SNTB1: variants seen among roughly 807,000 people sequenced by gnomAD.
The protein encoded by SNTB1 is syntrophin beta 1, also known as beta-1-syntrophin.
SNTB1 carries 36 observed loss-of-function variants against 48.9 expected under a neutral mutation model. The observed-to-expected ratio is 0.74, with a 90% confidence interval of 0.56 to 0.97. The LOEUF (loss-of-function observed/expected upper bound fraction) is 0.97. SNTB1 is among the 50% of genes least tolerant of loss of function. SNTB1 has a pLI of 0.00. For synonymous variants in SNTB1, 299 were observed against 294.6 expected (o/e 1.01, Z -0.15); for missense variants, 786 against 703.4 (o/e 1.12, Z -1.33).
At chr8:120,801,858 A>T (rs1019052789) in intron 1 of SNTB1, among the ~76,000 whole-genome samples, 1 of 152,090 alleles carries the variant, frequency 6.6e-6, no homozygotes, top group African/African-American at 2.4e-5. Context: ...GACATTGTAA[A>T]ATCAAAATCT....
intron 1 of SNTB1, among the ~76,000 whole-genome samples, chr8:120,716,054 C>G (rs1362289907): frequency 3.3e-5 from 5 of 152,172 alleles, no homozygotes; most frequent in Non-Finnish European, 7.3e-5. Flanking sequence ...TTTACATCAT[C>G]ATCTTTCCCA....
At chr8:120,626,403 A>G (rs1238885587) in intron 3 of SNTB1, among the ~76,000 whole-genome samples, 1 of 152,192 alleles carries the variant, frequency 6.6e-6, no homozygotes, top group Non-Finnish European at 1.5e-5. Context: ...ATCAGTTGGA[A>G]AAATTAGGAT....
Position 120,548,772 on chromosome 8 carries a change from T to C in SNTB1, c.1323A>G (p.Glu441=). ...GCHNSAELIA[E]ISTACTYKNQ... ...CACTGCAGTACTCACCAGTGCTGAT[T>C]TCAGCAATGAGTTCAGCAGAATTGT... The change falls in exon 5 of 7, where the codon GAA becomes GAG. Residue 441 remains glutamate (E), a synonymous_variant. Coordinates refer to ENST00000517992, the MANE Select transcript of SNTB1 (RefSeq NM_021021.4). The C allele has an allele frequency of 6.2e-7, 1 of 1,613,642 alleles. No individual in the cohort carries two copies. The highest frequency in any genetic ancestry group is 1.7e-4 in the Middle Eastern group (1 of 6,054).
At chr8:120,768,661 G>C (rs1291330644) in intron 1 of SNTB1, 1 of 152,166 alleles carries the variant, frequency 6.6e-6, no homozygotes, top group Admixed American at 6.5e-5. Flanking sequence ...TTTTTGAGAT[G>C]TTGAAAGAGA....
At chr8:120,640,575 G>A (rs534812480) in intron 2 of SNTB1, among the ~76,000 whole-genome samples, 137 of 152,272 alleles carry the variant, frequency 9.0e-4, no homozygotes, top group Non-Finnish European at 1.6e-3. Flanking sequence ...TTTATTGAGA[G>A]TTTTTAGCAT....
intron 1 of SNTB1, among the ~76,000 whole-genome samples, chr8:120,772,514 T>TCCAAA (rs1819655202): frequency 6.6e-6 from 1 of 152,188 alleles, no homozygotes. Flanking sequence ...CCAAAAGTGC[T>TCCAAA]AGGATTACAG....
intron 2 of SNTB1, among the ~76,000 whole-genome samples, chr8:120,681,961 A>G (rs568585085): frequency 6.6e-6 from 1 of 152,224 alleles, no homozygotes; most frequent in Non-Finnish European, 1.5e-5. Flanking sequence ...AAAAAGAGAG[A>G]ATATTCTCCA....
rs747242658 is a variant in SNTB1, at chr8:120,754,719, C to T, written c.571+56554G>A. Among the ~76,000 whole-genome samples, 32 of 152,118 alleles carry T rather than the reference C, an allele frequency of 2.1e-4. 1 individual carries two copies. The highest frequency in any genetic ancestry group is 4.7e-4 in the Non-Finnish European group (32 of 68,008). ...ATCATGAGAAAAGCAATGGGAGAAG[C>T]TGGTTTGAAGGCCAGTCCTTCAGTG... On this transcript the variant is annotated intron_variant, in intron 1 of 6. Coordinates refer to ENST00000517992, the MANE Select transcript of SNTB1 (RefSeq NM_021021.4).
chr8:120,762,638 T>C (rs1231368045), intron 1 of SNTB1, among the ~76,000 whole-genome samples: 1 of 152,208 alleles, frequency 6.6e-6, no homozygotes, highest in Non-Finnish European at 1.5e-5. Flanking sequence ...TACAAATGCA[T>C]GGTGCTTTGG....
At chr8:120,711,144 T>C (rs1364484005) in intron 1 of SNTB1, among the ~76,000 whole-genome samples, 1 of 152,222 alleles carries the variant, frequency 6.6e-6, no homozygotes, top group Non-Finnish European at 1.5e-5. Flanking sequence ...ACGAGAGTTT[T>C]AACAAGCCTG....
At chr8:120,658,833 C>A (rs373685638) in intron 2 of SNTB1, among the ~76,000 whole-genome samples, 1 of 152,086 alleles carries the variant, frequency 6.6e-6, no homozygotes, top group Non-Finnish European at 1.5e-5. Context: ...CTCTTCTTTT[C>A]GCAAAATATT....
chr8:120,773,657 GA>G (rs1250166624), intron 1 of SNTB1, among the ~76,000 whole-genome samples: 2 of 151,972 alleles, frequency 1.3e-5, no homozygotes, highest in Non-Finnish European at 2.9e-5. Context: ...GCAAGTATGG[GA>G]AAAAAAAGAT....
chr8:120,635,490 AC>A (rs1206352869), intron 2 of SNTB1: 2 of 152,754 alleles, frequency 1.3e-5, no homozygotes, highest in African/African-American at 4.8e-5. Flanking sequence ...AAAAATTTTG[AC>A]AAAGGTAACT....
At chr8:120,540,066 G>C (rs892445076) in intron 6 of SNTB1, among the ~76,000 whole-genome samples, 1 of 152,118 alleles carries the variant, frequency 6.6e-6, no homozygotes, top group African/African-American at 2.4e-5. Flanking sequence ...TTTTGAAAAA[G>C]GGACATTAAA....
At chr8:120,562,895 A>AAAAAGAAAAAGG (rs1335519629) in intron 4 of SNTB1, among the ~76,000 whole-genome samples, 2 of 152,176 alleles carry the variant, frequency 1.3e-5, no homozygotes, top group African/African-American at 4.8e-5. Context: ...AAAGAAAAAG[A>AAAAAGAAAAAGG]AAAAGAAAAA....
At chr8:120,608,567 T>A (rs955330161) in intron 3 of SNTB1, among the ~76,000 whole-genome samples, 1 of 152,202 alleles carries the variant, frequency 6.6e-6, no homozygotes, top group East Asian at 1.9e-4. Context: ...CCAACCCTGC[T>A]GGCACCTTGA....
chr8:120,704,652 A>G (rs1014744215), intron 1 of SNTB1, among the ~76,000 whole-genome samples: 2 of 152,148 alleles, frequency 1.3e-5, no homozygotes, highest in Admixed American at 6.6e-5. Context: ...ACTCCTTCAA[A>G]GCCTGAAGGT....
intron 1 of SNTB1, among the ~76,000 whole-genome samples, chr8:120,705,076 T>C (rs1024992362): frequency 3.9e-5 from 6 of 152,236 alleles, no homozygotes; most frequent in African/African-American, 7.2e-5. Flanking sequence ...GGTTAGACGA[T>C]GTTTAAATGA....
At chr8:120,711,474 T>C (rs1394204008) in intron 1 of SNTB1, among the ~76,000 whole-genome samples, 1 of 152,172 alleles carries the variant, frequency 6.6e-6, no homozygotes, top group Non-Finnish European at 1.5e-5. Flanking sequence ...AACACTCTTA[T>C]TATCCATTGT....
Sources: allele counts gnomAD v4.1 joint callset (sites outside exome capture counted in the v4.1 genomes callset), GRCh38; gene constraint gnomAD v4.1.1; transcripts MANE v1.5; gene names NCBI Gene and HGNC (gene_info 2026-07-23, HGNC 2026-07-21).